CAPZA2: variants seen among roughly 807,000 people sequenced by gnomAD.
CAPZA2 encodes the protein capping actin protein of muscle Z-line subunit alpha 2.
A neutral mutation model predicts 44.0 loss-of-function variants in CAPZA2; 13 were observed. The ratio of observed to expected loss-of-function variants is 0.30; its 90% CI spans 0.19 to 0.47. The LOEUF is 0.47. Ranked by LOEUF, CAPZA2 falls within the 20% of genes least tolerant of loss-of-function variation. The pLI, the probability that CAPZA2 is intolerant of heterozygous loss-of-function variation, is 1.00. For missense variants in CAPZA2, 244 were observed against 338.6 expected (o/e 0.72, Z 2.19); for synonymous variants, 94 against 108.2 (o/e 0.87, Z 0.81).
chr7:116,879,255 A>T (rs867663430), intron 1 of CAPZA2, among the ~76,000 whole-genome samples: 13 of 152,092 alleles, frequency 8.5e-5, no homozygotes, highest in Non-Finnish European at 1.6e-4. Flanking sequence ...TCACATCGCT[A>T]ATGACTAGTA....
At chr7:116,888,908 A>G (rs1393910911) in intron 2 of CAPZA2, among the ~76,000 whole-genome samples, 1 of 152,170 alleles carries the variant, frequency 6.6e-6, no homozygotes. Flanking sequence ...GAATTTTTGT[A>G]TTTCTTTTAA....
intron 4 of CAPZA2, among the ~76,000 whole-genome samples, chr7:116,902,864 C>T (rs968605648): frequency 1.3e-5 from 2 of 152,064 alleles, no homozygotes; most frequent in African/African-American, 2.4e-5. Flanking sequence ...CACATGCCAC[C>T]ACGACTGACT....
chr7:116,888,527 A>G (rs12533164), intron 2 of CAPZA2: 39,020 of 178,928 alleles, frequency 0.22, 4,426 homozygotes, highest in East Asian at 0.38. Flanking sequence ...TATTTCTTCA[A>G]TAGAACTCTT....
chr7:116,890,304 A>G (rs1257458005), intron 2 of CAPZA2, among the ~76,000 whole-genome samples: 1 of 151,682 alleles, frequency 6.6e-6, no homozygotes, highest in Non-Finnish European at 1.5e-5. Flanking sequence ...AGGCCTGGGT[A>G]GAGGGTAAGC....
chr7:116,910,155 T>C lies in CAPZA2; in HGVS notation c.507-78T>C, dbSNP rs991631462. 42 of 804,872 alleles carry C rather than the reference T, an allele frequency of 5.2e-5. 1 individual carries two copies. Among genetic ancestry groups the C allele is most frequent in the Non-Finnish European group, 8.4e-5 (38 of 453,092 alleles). 49.9% of individuals were successfully genotyped at this position (804,872 alleles called of 1,614,324 possible). A position where few individuals can be genotyped will look rare whatever the true frequency, so the allele number is the denominator to read the frequency against. ...CCCCACACTCTCTCATACTGTAGCA[T>C]GAAATATAATCTGAAACTTAAAATT... On this transcript the variant is annotated intron_variant, in intron 6 of 9. Coordinates refer to ENST00000361183, the MANE Select transcript of CAPZA2 (RefSeq NM_006136.3).
chr7:116,886,936 A>G (rs936646444), intron 1 of CAPZA2, among the ~76,000 whole-genome samples: 7 of 152,238 alleles, frequency 4.6e-5, no homozygotes, highest in Admixed American at 3.3e-4. Context: ...CTTTATCAAA[A>G]TAGGCTTTAT....
chr7:116,911,650 C>T (rs150931935), intron 7 of CAPZA2, among the ~76,000 whole-genome samples: 1 of 152,252 alleles, frequency 6.6e-6, no homozygotes, highest in African/African-American at 2.4e-5. Flanking sequence ...CCTTATGTAG[C>T]AGCAGTGTTT....
Position 116,899,518 on chromosome 7 carries a change from A to G in CAPZA2, c.219+683A>G, listed in dbSNP as rs143493621. On this transcript the variant is annotated intron_variant, in intron 4 of 9. Transcript: ENST00000361183. ...ATATGTAGTCATAGTTACGGGGGAC[A>G]AGCAAAGACTAGGCTAGAAGGTGAC... Among the ~76,000 whole-genome samples the G allele has an allele frequency of 2.2e-3, 334 of 151,924 alleles. 2 individuals carry two copies. Among genetic ancestry groups the G allele is most frequent in the Non-Finnish European group, 2.2e-3 (147 of 67,846 alleles).
At chr7:116,865,171 T>G (rs1390684365) in intron 1 of CAPZA2, among the ~76,000 whole-genome samples, 1 of 137,364 alleles carries the variant, frequency 7.3e-6, no homozygotes, top group Non-Finnish European at 1.5e-5. Flanking sequence ...CATTATGCGC[T>G]CTCTTCTTTT....
chr7:116,884,457 C>T (rs919812443), intron 1 of CAPZA2, among the ~76,000 whole-genome samples: 9 of 152,036 alleles, frequency 5.9e-5, no homozygotes, highest in South Asian at 2.1e-4. Context: ...TTCATCTTTT[C>T]GTCATTGCTC....
At chr7:116,876,795 T>C (rs1039954640) in intron 1 of CAPZA2, among the ~76,000 whole-genome samples, 8 of 152,202 alleles carry the variant, frequency 5.3e-5, no homozygotes, top group African/African-American at 1.9e-4. Flanking sequence ...CAGCAGTTTA[T>C]TAATCACAAA....
chr7:116,899,450 G>A (rs1483771822), intron 4 of CAPZA2, among the ~76,000 whole-genome samples: 1 of 151,806 alleles, frequency 6.6e-6, no homozygotes, highest in Non-Finnish European at 1.5e-5. Context: ...GTTCTTAGTG[G>A]CTAATCATGT....
At position 116,898,191 on chromosome 7, in the gene CAPZA2, T is replaced by G. The variant is rs142653198; in HGVS notation, c.156-581T>G. Among the ~76,000 whole-genome samples the G allele has an allele frequency of 1.2e-3, 184 of 152,192 alleles. 1 individual carries two copies. Among genetic ancestry groups the G allele is most frequent in the South Asian group, 4.3e-3 (21 of 4,828 alleles). On this transcript the variant is annotated intron_variant, in intron 3 of 9. Transcript: ENST00000361183. ...AGCCTATCCAGTTTTTCAAGTCGGT[T>G]TTTCAGTATCACAGTTATTAAGAAA...
chr7:116,868,625 T>G (rs1025432199), intron 1 of CAPZA2, among the ~76,000 whole-genome samples: 3 of 152,178 alleles, frequency 2.0e-5, no homozygotes, highest in African/African-American at 7.2e-5. Flanking sequence ...TCCCAGCTAC[T>G]CGGGAGGCCG....
intron 1 of CAPZA2, among the ~76,000 whole-genome samples, chr7:116,868,034 A>C (rs901214653): frequency 6.6e-5 from 10 of 152,288 alleles, no homozygotes; most frequent in Non-Finnish European, 1.0e-4. Flanking sequence ...AATAAATGGT[A>C]GTTATTTTTC....
Position 116,880,696 on chromosome 7 carries a change from CTTTTTTTTTTTTTTTTTTTTT to C in CAPZA2, c.40-7413_40-7393del, listed in dbSNP as rs557434747. Among the ~76,000 whole-genome samples the C allele has an allele frequency of 7.3e-4, 18 of 24,686 alleles. No homozygotes were observed. In the East Asian group the frequency reaches 7.4e-3, roughly 10 times the overall value. The allele number at this position is 24,686 out of a possible 152,430, so 16.2% of individuals were successfully genotyped here. A position where few individuals can be genotyped will look rare whatever the true frequency, so the allele number is the denominator to read the frequency against. ...ATAGGCATGAGCCACTGTAACCTGCCTTTTTTTTTTTTTTTTTTTTTTTTTTTTTTTTTTTTTTGAGACAGT... is the reference window on the plus strand; with the variant it reads ...ATAGGCATGAGCCACTGTAACCTGCCTTTTTTTTTTTTTTTTTGAGACAGT... On this transcript the variant is annotated intron_variant, in intron 1 of 9. Transcript: ENST00000361183.
intron 1 of CAPZA2, among the ~76,000 whole-genome samples, chr7:116,868,537 A>T (rs1796510244): frequency 6.6e-6 from 1 of 152,196 alleles, no homozygotes; most frequent in Non-Finnish European, 1.5e-5. Flanking sequence ...GTTTGAGACC[A>T]GCCTGGCCAA....
intron 2 of CAPZA2, among the ~76,000 whole-genome samples, chr7:116,889,080 G>A (rs1026213308): frequency 1.3e-5 from 2 of 152,266 alleles, no homozygotes; most frequent in South Asian, 2.1e-4. Context: ...ACTGGCAGAC[G>A]TTTTTATAAT....
In CAPZA2 at chr7:116,910,288, G is replaced by C; in HGVS notation, c.562G>C (p.Val188Leu). 1 of 1,585,992 alleles carries C rather than the reference G, an allele frequency of 6.3e-7. No homozygotes were observed. The highest frequency in any genetic ancestry group is 8.7e-7 in the Non-Finnish European group (1 of 1,154,624). The change falls in exon 7 of 10, where the codon GTG becomes CTG. Residue 188 changes from valine (V) to leucine (L), a missense_variant. By Grantham distance (32) the Val-to-Leu change is conservative. Transcript: ENST00000361183. The part of the protein sequence containing the change: ...KFTITPSTTQ[V>L]VGILKIQVHY... ...TACAATCACTCCTTCAACCACTCAA[G>C]TGGTTGGCATCTTGAAAATTCAGGT...
Sources: gnomAD v4.1 joint callset for allele counts (sites outside exome capture counted in the v4.1 genomes callset) on GRCh38, gnomAD v4.1.1 for gene constraint, MANE v1.5 for transcripts, NCBI Gene and HGNC (gene_info 2026-07-23, HGNC 2026-07-21) for gene names.